Variants in FMR1 observed in about 807,000 individuals in gnomAD.
FMR1 encodes the protein fragile X messenger ribonucleoprotein 1.
FMR1 carries 13 observed loss-of-function variants against 50.6 expected under a neutral mutation model. The ratio of observed to expected loss-of-function variants is 0.26; its 90% CI spans 0.17 to 0.41. The LOEUF is 0.41. Among genes scored for constraint, FMR1 ranks in the 10% least tolerant of loss-of-function variants. FMR1 has a pLI of 1.00. For missense variants in FMR1, 316 were observed against 491.3 expected, an observed-to-expected ratio of 0.64 and a Z score of 3.37; for synonymous variants, 138 against 164.1, an observed-to-expected ratio of 0.84 and a Z score of 1.22.
intron 12 of FMR1, among the ~76,000 whole-genome samples, chrX:147,939,986 C>T (rs1238515614): frequency 9.7e-6 from 1 of 103,398 alleles, no homozygotes; most frequent in African/African-American, 3.5e-5. Context: ...ACAGTGAAAC[C>T]CTGTCTCTAC....
intron 15 of FMR1, among the ~76,000 whole-genome samples, chrX:147,945,257 T>C (rs1466179207): frequency 8.9e-6 from 1 of 112,087 alleles, no homozygotes; most frequent in Non-Finnish European, 1.9e-5. Context: ...GATATATGAA[T>C]AAATGCTGAT....
chrX:147,915,315 T>C (rs1301964393), intron 1 of FMR1, among the ~76,000 whole-genome samples: 1 of 112,012 alleles, frequency 8.9e-6, no homozygotes, highest in Non-Finnish European at 1.9e-5. Context: ...TCAGTTTTAC[T>C]ACAAATAAAC....
At chrX:147,938,194 A>G (rs1374194294) in intron 12 of FMR1, 33 bp downstream of exon 12, 2 of 1,059,299 alleles carry the variant, frequency 1.9e-6, no homozygotes, top group Non-Finnish European at 2.6e-6. Flanking sequence ...ATACACTTTC[A>G]GTTTATATTT....
intron 14 of FMR1, chrX:147,944,623 A>G (rs1009082797): frequency 2.0e-6 from 2 of 1,023,637 alleles, no homozygotes; most frequent in Non-Finnish European, 2.5e-6. Flanking sequence ...GGTGGCTAAT[A>G]ACATACCTTT....
Position 147,930,256 on chromosome X carries a change from T to G in FMR1, c.630+12T>G, listed in dbSNP as rs1557178466. 2 of 990,411 alleles carry G rather than the reference T, an allele frequency of 2.0e-6. No homozygotes were observed. The highest frequency in any genetic ancestry group is 3.0e-5 in the East Asian group (1 of 32,906). 81.6% of individuals were successfully genotyped at this position (990,411 alleles called of 1,213,427 possible). On this transcript the variant is annotated intron_variant, in intron 7 of 16. Coordinates refer to ENST00000370475, the MANE Select transcript of FMR1 (RefSeq NM_002024.6). ...GTAAGCAGCTGGAGGTATGTCACTT[T>G]CCCTAGCACTGCTTGTAAGGGTACC...
intron 1 of FMR1, among the ~76,000 whole-genome samples, chrX:147,916,698 CTTTG>C (rs1557175288): frequency 2.0e-5 from 2 of 98,869 alleles, no homozygotes; most frequent in Admixed American, 1.1e-4. Flanking sequence ...TGGTTTGTTT[CTTTG>C]TTTCTTTGGT....
chrX:147,920,480 T>A (rs1557176203), intron 1 of FMR1, among the ~76,000 whole-genome samples: 1 of 111,481 alleles, frequency 9.0e-6, no homozygotes, highest in East Asian at 2.8e-4. Context: ...TTCTTCAGTA[T>A]GTTTTCCTTT....
chrX:147,935,412 A>G (rs782308460), intron 9 of FMR1, among the ~76,000 whole-genome samples: 5 of 112,135 alleles, frequency 4.5e-5, no homozygotes, highest in Non-Finnish European at 9.4e-5. Context: ...GCTCAAAGCA[A>G]ATTTTTGCTT....
At chrX:147,933,800 G>A (rs1265334579) in intron 9 of FMR1, 1 of 226,474 alleles carries the variant, frequency 4.4e-6, no homozygotes. Flanking sequence ...TTCTGTTTAC[G>A]TAGTTTCAAT....
Position 147,920,047 on chromosome X carries a change from C to T in FMR1, c.52-1886C>T, listed in dbSNP as rs1397338330. ...CCGAAGTTAGAGAATGGTCTTAATC[C>T]GAACTAGTTATTGTCTCACTATCCA... On this transcript the variant is annotated intron_variant, in intron 1 of 16. Transcript: ENST00000370475. Among the ~76,000 whole-genome samples, 7 of 112,041 alleles carry T rather than the reference C, an allele frequency of 6.2e-5. No individual in the cohort carries two copies. In the East Asian group the frequency reaches 2.0e-3, roughly 32 times the overall value.
At chrX:147,948,576 CTT>C in intron 16 of FMR1, 105 bp from the exon 17 acceptor site, 2 of 1,175,803 alleles carry the variant, frequency 1.7e-6, no homozygotes, top group African/African-American at 3.5e-5. Flanking sequence ...CTCCATTTCT[CTT>C]TTTAACATGT....
intron 3 of FMR1, among the ~76,000 whole-genome samples, chrX:147,926,383 A>G (rs1743887441): frequency 8.9e-6 from 1 of 111,897 alleles, no homozygotes; most frequent in Admixed American, 9.5e-5. Flanking sequence ...ATTAGTTAAT[A>G]ATAGTTGCCG....
intron 16 of FMR1, among the ~76,000 whole-genome samples, chrX:147,947,831 A>G: frequency 8.9e-6 from 1 of 112,549 alleles, no homozygotes; most frequent in East Asian, 2.8e-4. Context: ...GGATGTTTTT[A>G]GCATTTGTGC....
intron 3 of FMR1, among the ~76,000 whole-genome samples, chrX:147,926,966 G>A (rs1557177705): frequency 8.9e-6 from 1 of 112,203 alleles, no homozygotes; most frequent in Non-Finnish European, 1.9e-5. Context: ...TGCTGTTTCA[G>A]AGAGTAGTCA....
chrX:147,922,255 A>T (rs970527866), intron 2 of FMR1, among the ~76,000 whole-genome samples: 7 of 111,966 alleles, frequency 6.3e-5, no homozygotes, highest in Non-Finnish European at 1.3e-4. Context: ...AGTCTTGTGT[A>T]TTAGTAACTG....
intron 2 of FMR1, among the ~76,000 whole-genome samples, chrX:147,923,600 C>G (rs1557176892): frequency 1.8e-5 from 2 of 111,728 alleles, no homozygotes; most frequent in Non-Finnish European, 3.8e-5. Flanking sequence ...TTTATTAGAT[C>G]ACTTCTTTTT....
At chrX:147,914,961 A>G (rs1435944728) in intron 1 of FMR1, among the ~76,000 whole-genome samples, 5 of 111,986 alleles carry the variant, frequency 4.5e-5, no homozygotes, top group African/African-American at 9.7e-5. Flanking sequence ...GAATGCCCTA[A>G]TGAATCCTAA....
intron 16 of FMR1, chrX:147,946,923 A>G (rs1557182096): frequency 8.9e-6 from 1 of 112,141 alleles, no homozygotes; most frequent in Admixed American, 9.4e-5. Flanking sequence ...TAGATTGGTA[A>G]ATTACTGTAT....
At chrX:147,919,422 G>A (rs1416673512) in intron 1 of FMR1, among the ~76,000 whole-genome samples, 1 of 111,862 alleles carries the variant, frequency 8.9e-6, no homozygotes, top group Non-Finnish European at 1.9e-5. Flanking sequence ...AAGCACTGGG[G>A]CATGCACCCT....
Sources: gnomAD v4.1 joint callset for allele counts (sites outside exome capture counted in the v4.1 genomes callset) on GRCh38, gnomAD v4.1.1 for gene constraint, MANE v1.5 for transcripts, NCBI Gene and HGNC (gene_info 2026-07-23, HGNC 2026-07-21) for gene names.